ZNF215: variants seen among roughly 807,000 people sequenced by gnomAD.
The protein encoded by ZNF215 is BWSCR2-associated zinc finger protein 2.
A neutral mutation model predicts 27.2 loss-of-function variants in ZNF215; 24 were observed. That is an observed-to-expected ratio of 0.88 (90% CI 0.64 to 1.24). ZNF215 has a LOEUF of 1.24. Ranked by LOEUF, ZNF215 falls within the 50% of genes most tolerant of loss-of-function variation. The pLI, the probability that ZNF215 is intolerant of heterozygous loss-of-function variation, is 0.00. For missense variants in ZNF215, 675 were observed against 605.7 expected, an observed-to-expected ratio of 1.11 and a Z score of -1.20; for synonymous variants, 210 against 204.0, an observed-to-expected ratio of 1.03 and a Z score of -0.25.
Position 6,932,495 on chromosome 11 carries a change from C to A in ZNF215, c.223C>A (p.Gln75Lys), listed in dbSNP as rs775546404. The part of the protein sequence containing the change: ...ALSQLWELCL[Q>K]WLRPEIHTKK... ...GAGCCAACTCTGGGAGCTCTGTCTT[C>A]AATGGCTGAGACCAGAGATTCATAC... Residue 75 changes from glutamine (Q) to lysine (K), a missense_variant, in exon 3 of 7, where the codon CAA becomes AAA. Transcript: ENST00000278319. The A allele has an allele frequency of 1.1e-5, 18 of 1,614,152 alleles. No homozygotes were observed. The highest frequency in any genetic ancestry group is 1.4e-5 in the Non-Finnish European group (17 of 1,180,034).
At chr11:6,932,756 T>C in intron 3 of ZNF215, 84 bp downstream of exon 3, 3 of 1,327,680 alleles carry the variant, frequency 2.3e-6, no homozygotes, top group Non-Finnish European at 3.1e-6. Flanking sequence ...CCAGAGAGTA[T>C]CAAGTGCCAG....
chr11:6,955,021 C>T (rs186309169), intron 6 of ZNF215, among the ~76,000 whole-genome samples: 2 of 152,056 alleles, frequency 1.3e-5, no homozygotes, highest in Non-Finnish European at 2.9e-5. Context: ...AAGGAAGAGA[C>T]CCAATCTTAA....
chr11:6,991,938 A>G (rs543479521), downstream of ZNF215, among the ~76,000 whole-genome samples: 9 of 152,228 alleles, frequency 5.9e-5, no homozygotes, highest in Admixed American at 1.3e-4. Context: ...CTTGGTGTTC[A>G]TAACGTTGTG....
chr11:6,957,772 C>T lies in ZNF215; in HGVS notation c.*1241C>T, dbSNP rs1287919275. 5 of 985,240 alleles carry T rather than the reference C, an allele frequency of 5.1e-6. No homozygotes were observed. Among genetic ancestry groups the T allele is most frequent in the East Asian group, 1.1e-4 (1 of 8,824 alleles). The allele number at this position is 985,240 out of a possible 1,614,324, so 61.0% of individuals were successfully genotyped here. ...CCTTTGGGAATTTAGGCTGGAGAGACGTCCATAGCCTTAGGTATATCATTT... is the reference window on the plus strand; with the variant it reads ...CCTTTGGGAATTTAGGCTGGAGAGATGTCCATAGCCTTAGGTATATCATTT... On this transcript the variant is annotated 3_prime_UTR_variant, in exon 7 of 7. Transcript: ENST00000278319.
chr11:6,967,213 A>T (rs1172895810), intron 5 of ZNF215, among the ~76,000 whole-genome samples: 1 of 152,100 alleles, frequency 6.6e-6, no homozygotes, highest in Non-Finnish European at 1.5e-5. Flanking sequence ...TCTATCATTG[A>T]TGGGCATTTG....
chr11:6,932,428 A>G lies in ZNF215; in HGVS notation c.156A>G (p.Arg52=), dbSNP rs1489319462. ...HDSEASRQKF[R]HFQYLKVSGP... ...CTGAGGCATCTCGTCAAAAGTTCAG[A>G]CATTTCCAGTATTTGAAAGTGTCTG... The change falls in exon 3 of 7, where the codon AGA becomes AGG. Residue 52 remains arginine (R), a synonymous_variant. Coordinates refer to ENST00000278319, the MANE Select transcript of ZNF215 (RefSeq NM_013250.4). 1 of 1,614,202 alleles carries G rather than the reference A, an allele frequency of 6.2e-7. No homozygotes were observed. The highest frequency in any genetic ancestry group is 1.1e-5 in the South Asian group (1 of 91,088).
At position 6,943,130 on chromosome 11, in the gene ZNF215, G is replaced by C; in HGVS notation, c.531G>C (p.Glu177Asp). 6.2e-7 allele frequency: 1 copy of C among 1,614,070 alleles called. No individual in the cohort carries two copies. The highest frequency in any genetic ancestry group is 8.5e-7 in the Non-Finnish European group (1 of 1,179,986). The stretch of plus-strand genomic sequence containing the variant: ...TGGTTGTGGAATTCAGCAAGGAAGA[G>C]TGGGGGCAACTGGACTCTGCTGTAA... ...KDVVVEFSKE[E>D]WGQLDSAVKN... Residue 177 changes from glutamate to aspartate, a missense_variant, in exon 5 of 7, where the codon GAG (glutamate) becomes GAC (aspartate). Glu to Asp is a conservative substitution (Grantham distance 45). Transcript: ENST00000278319.
downstream of ZNF215, among the ~76,000 whole-genome samples, chr11:6,990,794 A>C: frequency 6.8e-5 from 2 of 29,242 alleles, no homozygotes; most frequent in Non-Finnish European, 8.5e-5. Flanking sequence ...GGGACTTTGA[A>C]AAAGAAGGGT....
chr11:6,976,960 T>C (rs1481509179), intron 5 of ZNF215, among the ~76,000 whole-genome samples: 7 of 152,042 alleles, frequency 4.6e-5, no homozygotes, highest in Admixed American at 2.0e-4. Context: ...CTAGAAGGTC[T>C]GGGGAGAATC....
At chr11:6,944,256 A>G (rs1418964576) in intron 6 of ZNF215, among the ~76,000 whole-genome samples, 1 of 152,220 alleles carries the variant, frequency 6.6e-6, no homozygotes, top group Non-Finnish European at 1.5e-5. Flanking sequence ...AGCCTGGGCA[A>G]CAGAGAACAG....
At chr11:6,984,626 T>C (rs2133359940) in exon 6 of ZNF215, 1 of 152,300 alleles carries the variant, frequency 6.6e-6, no homozygotes, top group Non-Finnish European at 1.5e-5. Flanking sequence ...AACCTAAATT[T>C]ACTGACAATC....
At chr11:6,951,644 C>G (rs534462569) in intron 6 of ZNF215, among the ~76,000 whole-genome samples, 2 of 152,216 alleles carry the variant, frequency 1.3e-5, no homozygotes, top group South Asian at 4.1e-4. Context: ...ATTAGTCTTG[C>G]TAGTGATCTA....
intron 5 of ZNF215, among the ~76,000 whole-genome samples, chr11:6,974,858 T>G (rs965104301): frequency 3.8e-4 from 58 of 152,290 alleles, no homozygotes; most frequent in Non-Finnish European, 2.5e-4. Flanking sequence ...TTTGACTTCC[T>G]CTTTTCCTAA....
intron 2 of ZNF215, among the ~76,000 whole-genome samples, chr11:6,930,228 A>C (rs897112409): frequency 8.5e-5 from 13 of 152,196 alleles, no homozygotes; most frequent in African/African-American, 3.1e-4. Context: ...CTATTGGAGA[A>C]TGGTATTAGA....
rs201365367 is a variant in ZNF215 at position 6,949,087 on chromosome 11, T to C, written c.712+5446T>C. ...TACAAAGGACATGAACTCATCATTT[T>C]TTATGGCTGCATAGTATTCCATGGT... On this transcript the variant is annotated intron_variant, in intron 6 of 6. Transcript: ENST00000278319. Among the ~76,000 whole-genome samples the C allele has an allele frequency of 4.6e-5, 7 of 151,460 alleles. No individual in the cohort carries two copies. The East Asian group carries it at 1.4e-3, about 29-fold the overall frequency.
intron 6 of ZNF215, among the ~76,000 whole-genome samples, chr11:6,955,113 A>C (rs562382704): frequency 5.5e-4 from 83 of 152,150 alleles, no homozygotes; most frequent in Admixed American, 3.6e-3. Flanking sequence ...AGTTATTTTG[A>C]GCCCAGAAAA....
At chr11:6,961,976 T>C (rs887371051), downstream of ZNF215, among the ~76,000 whole-genome samples, 1 of 152,142 alleles carries the variant, frequency 6.6e-6, no homozygotes, top group African/African-American at 2.4e-5. Context: ...GGATCTATTT[T>C]GTAGAGCCGC....
intron 5 of ZNF215, among the ~76,000 whole-genome samples, chr11:6,965,668 C>T (rs1850603662): frequency 6.6e-6 from 1 of 152,096 alleles, no homozygotes; most frequent in African/African-American, 2.4e-5. Flanking sequence ...ATTTTTAGTA[C>T]ATTATAAATA....
At position 6,932,403 on chromosome 11, in the gene ZNF215, C is replaced by T; in HGVS notation, c.131C>T (p.Ser44Phe). Residue 44 changes from serine (S) to phenylalanine (F), a missense_variant, in exon 3 of 7, where the codon TCT (serine) becomes TTT (phenylalanine). By Grantham distance (155) the Ser-to-Phe change is radical. Coordinates refer to ENST00000278319, the MANE Select transcript of ZNF215 (RefSeq NM_013250.4). ...AACCCCGTCGTGGAGACACATGACT[C>T]TGAGGCATCTCGTCAAAAGTTCAGA... ...ETNPVVETHD[S>F]EASRQKFRHF... 1 of 1,614,170 alleles carries T rather than the reference C, an allele frequency of 6.2e-7. No homozygotes were observed. Among genetic ancestry groups the T allele is most frequent in the Non-Finnish European group, 8.5e-7 (1 of 1,180,034 alleles).
Sources: allele counts gnomAD v4.1 joint callset (sites outside exome capture counted in the v4.1 genomes callset), GRCh38; gene constraint gnomAD v4.1.1; transcripts MANE v1.5; gene names NCBI Gene and HGNC (gene_info 2026-07-23, HGNC 2026-07-21).